SLC20A2: variants seen among roughly 807,000 people sequenced by gnomAD.
SLC20A2 encodes the protein sodium-dependent phosphate transporter 2.
Under a neutral mutation model 61.0 loss-of-function variants are expected in SLC20A2, and 30 were observed. The observed-to-expected ratio is 0.49, with a 90% confidence interval of 0.37 to 0.67. The LOEUF (loss-of-function observed/expected upper bound fraction) is 0.67. Ranked by LOEUF, SLC20A2 falls within the 30% of genes least tolerant of loss-of-function variation. The pLI, the probability that SLC20A2 is intolerant of heterozygous loss-of-function variation, is 0.00. For synonymous variants in SLC20A2, 351 were observed against 353.3 expected (o/e 0.99, Z 0.07); for missense variants, 626 against 866.4 (o/e 0.72, Z 3.48).
At chr8:42,496,002 G>A (rs1042801946) in intron 1 of SLC20A2, among the ~76,000 whole-genome samples, 6 of 151,876 alleles carry the variant, frequency 4.0e-5, no homozygotes, top group African/African-American at 7.2e-5. Context: ...CACCCACCTT[G>A]GCCTCCCAAA....
chr8:42,529,413 T>A (rs1812191384), intron 1 of SLC20A2, among the ~76,000 whole-genome samples: 1 of 152,198 alleles, frequency 6.6e-6, no homozygotes, highest in Admixed American at 6.5e-5. Context: ...ATGAGTATAT[T>A]ACAGAAAATA....
chr8:42,454,414 A>G (rs1472708431), intron 5 of SLC20A2, among the ~76,000 whole-genome samples: 1 of 152,034 alleles, frequency 6.6e-6, no homozygotes, highest in Non-Finnish European at 1.5e-5. Flanking sequence ...CCCCACCTTC[A>G]TTATCTCAGG....
At chr8:42,486,205 C>T (rs1352014028) in intron 1 of SLC20A2, among the ~76,000 whole-genome samples, 2 of 151,412 alleles carry the variant, frequency 1.3e-5, no homozygotes, top group Non-Finnish European at 2.9e-5. Flanking sequence ...GTGTCACTTC[C>T]TTTCAGCCTA....
intron 10 of SLC20A2, chr8:42,419,714 T>A (rs1802916083): frequency 2.1e-6 from 2 of 968,830 alleles, no homozygotes; most frequent in Non-Finnish European, 2.5e-6. Context: ...GCTGTTAATG[T>A]AGTGTCATCC....
chr8:42,514,486 G>A (rs945179813), intron 1 of SLC20A2, among the ~76,000 whole-genome samples: 8 of 152,172 alleles, frequency 5.3e-5, no homozygotes, highest in African/African-American at 1.4e-4. Context: ...GGCTGGGCGC[G>A]GTGGCTCATG....
At chr8:42,506,282 A>G (rs1810700186) in intron 1 of SLC20A2, among the ~76,000 whole-genome samples, 1 of 152,172 alleles carries the variant, frequency 6.6e-6, no homozygotes, top group African/African-American at 2.4e-5. Context: ...ACTCAGAAAG[A>G]CCTGGGTTCA....
chr8:42,455,275 G>T (rs1806096992), intron 5 of SLC20A2, among the ~76,000 whole-genome samples: 1 of 146,268 alleles, frequency 6.8e-6, no homozygotes, highest in Non-Finnish European at 1.5e-5. Context: ...GAGAGAGAGA[G>T]AGAGAGAGAG....
At position 42,420,340 on chromosome 8, in the gene SLC20A2, C is replaced by T. The variant is rs1802958327; in HGVS notation, c.1795-2373G>A. 2.0e-5 allele frequency among the ~76,000 whole-genome samples: 3 copies of T among 152,126 alleles called. No individual in the cohort carries two copies. In the South Asian group the frequency reaches 6.2e-4, roughly 31 times the overall value. On this transcript the variant is annotated intron_variant, in intron 10 of 10. Coordinates refer to ENST00000520262, the MANE Select transcript of SLC20A2 (RefSeq NM_001257180.2). ...CTTAAGGTAGTATTTTGCTTTGTTT[C>T]ACTTTCAAGTTTCTAACTTCATGCA...
chr8:42,526,627 C>T (rs1811967362), intron 1 of SLC20A2, among the ~76,000 whole-genome samples: 1 of 149,880 alleles, frequency 6.7e-6, no homozygotes, highest in Admixed American at 6.7e-5. Flanking sequence ...GAGCCGAGAT[C>T]GCGCCACTGC....
At position 42,437,964 on chromosome 8, in the gene SLC20A2, C is replaced by T. The variant is rs1343579475; in HGVS notation, c.935-387G>A. Among the ~76,000 whole-genome samples the T allele has an allele frequency of 2.1e-5, 3 of 146,134 alleles. No homozygotes were observed. Among genetic ancestry groups the T allele is most frequent in the African/African-American group, 5.0e-5 (2 of 39,996 alleles). On this transcript the variant is annotated intron_variant, in intron 7 of 10. Coordinates refer to ENST00000520262, the MANE Select transcript of SLC20A2 (RefSeq NM_001257180.2). The surrounding 1 kb of genome is among the most constrained non-coding windows in gnomAD (Gnocchi z 6.4). ...AAACACTCCCTACTATTTCATGGCA[C>T]TTATCTCCAGAAGGCTGGGGATGAC...
At chr8:42,486,213 C>T (rs772645716) in intron 1 of SLC20A2, among the ~76,000 whole-genome samples, 78 of 151,780 alleles carry the variant, frequency 5.1e-4, no homozygotes, top group Non-Finnish European at 9.0e-4. Context: ...TCCTTTCAGC[C>T]TAAAGAACCT....
intron 5 of SLC20A2, among the ~76,000 whole-genome samples, chr8:42,453,711 C>T (rs566918669): frequency 1.3e-5 from 2 of 152,268 alleles, no homozygotes; most frequent in African/African-American, 4.8e-5. Context: ...CCTTTTTTGA[C>T]TCATCGGAGG....
At chr8:42,445,056 C>T (rs1011519475) in intron 5 of SLC20A2, among the ~76,000 whole-genome samples, 6 of 152,190 alleles carry the variant, frequency 3.9e-5, no homozygotes, top group Admixed American at 1.3e-4. Flanking sequence ...CTTTGGGAGG[C>T]CAAGGTGGGA....
At position 42,472,464 on chromosome 8, in the gene SLC20A2, T is replaced by A; in HGVS notation, c.-74A>T. ...TAAACAAAGCTTGAGGTTATAAACT[T>A]CGTAAGGCCAAGAGTTCTTGTAAAC... On this transcript the variant is annotated 5_prime_UTR_variant, in exon 2 of 11. Transcript: ENST00000520262. The surrounding 1 kb of genome is among the most constrained non-coding windows in gnomAD (Gnocchi z 4.1). 1 of 1,378,040 alleles carries A rather than the reference T, an allele frequency of 7.3e-7. No individual in the cohort carries two copies. The highest frequency in any genetic ancestry group is 1.0e-6 in the Non-Finnish European group (1 of 999,722). 85.4% of individuals were successfully genotyped at this position (1,378,040 alleles called of 1,614,324 possible).
chr8:42,446,420 T>C (rs1003022122), intron 5 of SLC20A2, among the ~76,000 whole-genome samples: 6 of 152,216 alleles, frequency 3.9e-5, no homozygotes, highest in African/African-American at 1.4e-4. Context: ...TGCTCATACA[T>C]AAACTCACAG....
chr8:42,501,254 AT>A (rs1810296136), upstream of SLC20A2: 1 of 152,226 alleles, frequency 6.6e-6, no homozygotes, highest in Non-Finnish European at 1.5e-5. Flanking sequence ...GTGTGCCGGG[AT>A]TTATTCACTA....
Position 42,492,879 on chromosome 8 carries a change from C to T in SLC20A2, c.-265+8152G>A, listed in dbSNP as rs966703543. On this transcript the variant is annotated intron_variant, in intron 1 of 10. Coordinates refer to ENST00000520262, the MANE Select transcript of SLC20A2 (RefSeq NM_001257180.2). ...TATTTTTAGTAGAGAGACGGGGTTT[C>T]GCTGTGTTAGCCAGGATGGTCTGGA... Among the ~76,000 whole-genome samples the T allele has an allele frequency of 2.6e-5, 4 of 152,160 alleles. No homozygotes were observed. In the East Asian group the frequency reaches 7.7e-4, roughly 29 times the overall value.
intron 1 of SLC20A2, among the ~76,000 whole-genome samples, chr8:42,488,812 G>T (rs1327793773): frequency 6.6e-6 from 1 of 151,898 alleles, no homozygotes; most frequent in Admixed American, 6.6e-5. Context: ...TGTGATATTG[G>T]GCATCTTTTC....
At chr8:42,470,841 G>A (rs1191639205) in intron 2 of SLC20A2, among the ~76,000 whole-genome samples, 1 of 151,950 alleles carries the variant, frequency 6.6e-6, no homozygotes, top group Non-Finnish European at 1.5e-5. Flanking sequence ...AGGTGCGGTG[G>A]CACACGCCTT....
Sources: gnomAD v4.1 joint callset for allele counts (sites outside exome capture counted in the v4.1 genomes callset) on GRCh38, gnomAD v4.1.1 for gene constraint, Gnocchi (gnomAD v3.1) non-coding constraint, MANE v1.5 for transcripts, NCBI Gene and HGNC (gene_info 2026-07-23, HGNC 2026-07-21) for gene names.